The following MYO9B variants were observed in gnomAD, a reference collection of about 807,000 sequenced individuals.
The protein encoded by MYO9B is unconventional myosin-IXb.
In MYO9B, 71 loss-of-function variants were observed where a neutral mutation model predicts 229.5. The observed-to-expected ratio is 0.31, with a 90% confidence interval of 0.26 to 0.38. The LOEUF (loss-of-function observed/expected upper bound fraction) is 0.38, where lower values mean the gene tolerates loss of function less well. MYO9B is among the 10% of genes least tolerant of loss of function. The pLI is 1.00. For missense variants in MYO9B, 2,255 were observed against 2,920.5 expected, an observed-to-expected ratio of 0.77 and a Z score of 5.25; for synonymous variants, 1,185 against 1,235.8, an observed-to-expected ratio of 0.96 and a Z score of 0.86.
Position 17,172,218 on chromosome 19 carries a change from T to C in MYO9B, c.1794-118T>C. ...TGCACAGAGCCCTGTGCCACTTCAC[T>C]GCTCTGCCCACCCCATGCACCCACC... On this transcript the variant is annotated intron_variant, in intron 11 of 39. Transcript: ENST00000682292. The surrounding 1 kb of genome is among the most constrained non-coding windows in gnomAD (Gnocchi z 8.2). 1 of 1,325,424 alleles carries C rather than the reference T, an allele frequency of 7.5e-7. No individual in the cohort carries two copies. The highest frequency in any genetic ancestry group is 1.5e-5 in the African/African-American group (1 of 68,782). The allele number at this position is 1,325,424 out of a possible 1,614,324, so 82.1% of individuals were successfully genotyped here.
intron 8 of MYO9B, 30 bp from the exon 9 acceptor site, chr19:17,162,320 G>A (rs374015711): frequency 8.5e-5 from 130 of 1,532,832 alleles, no homozygotes; most frequent in African/African-American, 5.9e-4. Context: ...CTGCCGTGCC[G>A]GAGGTGAGTC....
chr19:17,209,509 C>T, intron 35 of MYO9B, 77 bp from the exon 36 acceptor site: 2 of 1,475,220 alleles, frequency 1.4e-6, no homozygotes, highest in African/African-American at 1.4e-5. Flanking sequence ...CCCCAGGCAC[C>T]AGCTAGCATC....
In MYO9B at chr19:17,192,883, C is replaced by T. The variant is rs556000766; in HGVS notation, c.2949C>T (p.Ala983=). The part of the protein sequence containing the change: ...RRHFLQMKRA[A]VTIQACWRSY... The stretch of plus-strand genomic sequence containing the variant: ...ACTTCCTGCAGATGAAGCGGGCCGC[C>T]GTCACCATCCAGGCCTGCTGGCGGT... The change falls in exon 21 of 40, where the codon GCC becomes GCT. Residue 983 remains alanine (A), a synonymous_variant. Transcript: ENST00000682292. The T allele has an allele frequency of 3.1e-5, 48 of 1,550,424 alleles. No homozygotes were observed. In the African/African-American group the frequency reaches 5.1e-4, roughly 16 times the overall value.
intron 2 of MYO9B, among the ~76,000 whole-genome samples, chr19:17,110,431 C>T (rs2057836704): frequency 6.6e-6 from 1 of 152,160 alleles, no homozygotes; most frequent in Non-Finnish European, 1.5e-5. Flanking sequence ...ACAGCATCGG[C>T]CATGGGGTCT....
intron 2 of MYO9B, among the ~76,000 whole-genome samples, chr19:17,107,492 G>A (rs115590411): frequency 0.012 from 1,755 of 152,270 alleles, 44 homozygotes; most frequent in African/African-American, 0.038. Flanking sequence ...CCTCCAGGGC[G>A]TGGACAAGTT....
rs139597851 is a variant in MYO9B at position 17,131,232 on chromosome 19, G to A, written c.841-14165G>A. Among the ~76,000 whole-genome samples, 6 of 152,310 alleles carry A rather than the reference G, an allele frequency of 3.9e-5. No homozygotes were observed. The East Asian group carries it at 1.2e-3, about 29-fold the overall frequency. ...ACTGGAAGGCCCCATCACAGTAGTG[G>A]GAATAAAGGCATCCTGCCCATGTGT... On this transcript the variant is annotated intron_variant, in intron 2 of 39. Transcript: ENST00000682292.
At chr19:17,197,959 C>A in intron 23 of MYO9B, 101 bp downstream of exon 23, 3 of 1,470,666 alleles carry the variant, frequency 2.0e-6, no homozygotes, top group South Asian at 1.2e-5. Context: ...GAGGCTGAGG[C>A]GAGAGAATCG....
At chr19:17,132,276 C>G (rs1280339098) in intron 2 of MYO9B, among the ~76,000 whole-genome samples, 1 of 143,146 alleles carries the variant, frequency 7.0e-6, no homozygotes, top group Non-Finnish European at 1.5e-5. Flanking sequence ...ACCTCCACCT[C>G]CTGGGTTCAA....
intron 7 of MYO9B, among the ~76,000 whole-genome samples, chr19:17,158,039 T>G (rs555866863): frequency 6.6e-6 from 1 of 152,266 alleles, no homozygotes; most frequent in South Asian, 2.1e-4. Context: ...TCTGGGTTGC[T>G]CCTGGCATCT....
At chr19:17,206,868 T>G in intron 34 of MYO9B, 84 bp downstream of exon 34, 1 of 1,323,908 alleles carries the variant, frequency 7.6e-7, no homozygotes, top group Non-Finnish European at 1.1e-6. Context: ...GGACCCGAGC[T>G]GGCGTTCTGT....
intron 2 of MYO9B, among the ~76,000 whole-genome samples, chr19:17,129,959 G>A (rs748456437): frequency 3.3e-5 from 5 of 152,116 alleles, no homozygotes; most frequent in Non-Finnish European, 5.9e-5. Flanking sequence ...GGGACTACAA[G>A]TGTGTACCAC....
At chr19:17,178,672 C>A (rs181793270) in intron 14 of MYO9B, among the ~76,000 whole-genome samples, 1 of 152,230 alleles carries the variant, frequency 6.6e-6, no homozygotes, top group Admixed American at 6.5e-5. Flanking sequence ...CAAGCCTAAG[C>A]CCACAGCCAT....
chr19:17,202,047 G>A (rs1168327483), intron 27 of MYO9B, 23 bp downstream of exon 27: 28 of 1,611,810 alleles, frequency 1.7e-5, no homozygotes, highest in Non-Finnish European at 2.4e-5. Context: ...CCGGCCTTCA[G>A]CCTTTCCCAT....
At chr19:17,123,463 G>A (rs2057985277) in intron 2 of MYO9B, among the ~76,000 whole-genome samples, 1 of 117,064 alleles carries the variant, frequency 8.5e-6, no homozygotes, top group South Asian at 2.4e-4. Context: ...TGTGTGTGAT[G>A]GAGTTTCACT....
Position 17,135,798 on chromosome 19 carries a change from G to A in MYO9B, c.841-9599G>A, listed in dbSNP as rs138605037. Among the ~76,000 whole-genome samples, 443 of 152,216 alleles carry A rather than the reference G, an allele frequency of 2.9e-3. 1 individual carries two copies. The highest frequency in any genetic ancestry group is 1.0e-2 in the African/African-American group (414 of 41,518). ...TATCCCAAGGCGTTCCCTGTGTTAC[G>A]TTCCCAAGACACCAGGCCTGGCTGT... On this transcript the variant is annotated intron_variant, in intron 2 of 39. Coordinates refer to ENST00000682292, the MANE Select transcript of MYO9B (RefSeq NM_004145.4).
chr19:17,156,667 T>C (rs2072540695), intron 6 of MYO9B, among the ~76,000 whole-genome samples: 1 of 152,152 alleles, frequency 6.6e-6, no homozygotes, highest in Admixed American at 6.5e-5. Context: ...CAGTGAGCTA[T>C]GATTGTGTCA....
chr19:17,082,839 G>C (rs1007671815), intron 1 of MYO9B, among the ~76,000 whole-genome samples: 2 of 152,096 alleles, frequency 1.3e-5, no homozygotes, highest in African/African-American at 4.8e-5. Context: ...GAAGGGAGAA[G>C]GTAAGGGTTG....
intron 2 of MYO9B, among the ~76,000 whole-genome samples, chr19:17,113,353 G>T (rs905934129): frequency 5.3e-5 from 8 of 152,190 alleles, no homozygotes; most frequent in Non-Finnish European, 1.2e-4. Flanking sequence ...CAGGGCCAGG[G>T]TCATTGGGTG....
intron 2 of MYO9B, among the ~76,000 whole-genome samples, chr19:17,139,988 C>T (rs1347782588): frequency 6.6e-6 from 1 of 151,834 alleles, no homozygotes. Context: ...TTGTGGTGAG[C>T]TGAGATCGCG....
Sources: allele counts gnomAD v4.1 joint callset (sites outside exome capture counted in the v4.1 genomes callset), GRCh38; gene constraint gnomAD v4.1.1; non-coding constraint Gnocchi (gnomAD v3.1); transcripts MANE v1.5; gene names NCBI Gene and HGNC (gene_info 2026-07-23, HGNC 2026-07-21).